The following KCTD14 variants were observed in gnomAD, a reference collection of about 807,000 sequenced individuals.
KCTD14 encodes the protein BTB/POZ domain-containing protein KCTD14.
A neutral mutation model predicts 5.9 loss-of-function variants in KCTD14; 7 were observed. That is an observed-to-expected ratio of 1.19 (90% confidence interval 0.68 to 2.23). The LOEUF is 2.23. KCTD14 is among the 30% of genes most tolerant of loss of function. KCTD14 has a pLI of 0.00. For synonymous variants in KCTD14, 140 were observed against 133.1 expected, an observed-to-expected ratio of 1.05 and a Z score of -0.36; for missense variants, 342 against 332.2, an observed-to-expected ratio of 1.03 and a Z score of -0.23.
At chr11:78,035,124 A>G (rs910705939) in intron 2 of KCTD14, among the ~76,000 whole-genome samples, 1 of 152,146 alleles carries the variant, frequency 6.6e-6, no homozygotes, top group African/African-American at 2.4e-5. Flanking sequence ...TACAATGGGT[A>G]TATCTGTCAC....
At chr11:78,031,878 G>C (rs1479893455) in intron 2 of KCTD14, among the ~76,000 whole-genome samples, 1 of 152,200 alleles carries the variant, frequency 6.6e-6, no homozygotes, top group Non-Finnish European at 1.5e-5. Flanking sequence ...TGAGAAGAAA[G>C]TGGAAGAAAC....
upstream of KCTD14, among the ~76,000 whole-genome samples, chr11:78,027,322 C>G (rs1319523524): frequency 6.6e-6 from 1 of 151,232 alleles, no homozygotes; most frequent in East Asian, 1.9e-4. Context: ...AGCTTGAGCC[C>G]AGGAGTTGGG....
chr11:78,017,808 G>A (rs1330377572), intron 1 of KCTD14, among the ~76,000 whole-genome samples: 5 of 152,094 alleles, frequency 3.3e-5, no homozygotes, highest in Non-Finnish European at 4.4e-5. Flanking sequence ...AGAATGTTAT[G>A]GGAGGAGGCC....
intron 1 of KCTD14, among the ~76,000 whole-genome samples, chr11:78,044,203 G>A (rs904455548): frequency 3.3e-5 from 5 of 152,176 alleles, no homozygotes; most frequent in East Asian, 1.9e-4. Flanking sequence ...CCAGGTGAGC[G>A]AGGCTTTAGG....
At chr11:78,041,967 G>A (rs573620151) in intron 1 of KCTD14, among the ~76,000 whole-genome samples, 2 of 152,274 alleles carry the variant, frequency 1.3e-5, no homozygotes, top group South Asian at 2.1e-4. Context: ...CTTGGAATCC[G>A]TGAGGCCAAG....
chr11:78,019,214 A>G (rs1432738878), intron 1 of KCTD14, among the ~76,000 whole-genome samples: 1 of 151,986 alleles, frequency 6.6e-6, no homozygotes, highest in Non-Finnish European at 1.5e-5. Flanking sequence ...GGGTTTCACC[A>G]TGTTGGCCAG....
rs531185817 is a variant in KCTD14, at chr11:78,021,297, CAAAAAAAAAAAAAA to C, written c.90+1849_90+1862del. Reference sequence around the variant, plus strand: ...TAGGTGACAGAGGGAGACCCTGTCTCAAAAAAAAAAAAAAAAAAAAAAAAAAAAAAAAGTTTCCT... The same window carrying C: ...TAGGTGACAGAGGGAGACCCTGTCTCAAAAAAAAAAAAAAAAAAGTTTCCT... On this transcript the variant is annotated intron_variant, in intron 1 of 1. Transcript: ENST00000353172. Among the ~76,000 whole-genome samples, 252 of 85,168 alleles carry C rather than the reference CAAAAAAAAAAAAAA, an allele frequency of 3.0e-3. 3 individuals are homozygous for C. The highest frequency in any genetic ancestry group is 8.7e-3 in the African/African-American group (199 of 22,974). The allele number at this position is 85,168 out of a possible 152,430, so 55.9% of individuals were successfully genotyped here. A position where few individuals can be genotyped will look rare whatever the true frequency, so the allele number is the denominator to read the frequency against.
upstream of KCTD14, chr11:78,023,343 G>A: frequency 6.4e-6 from 8 of 1,258,234 alleles, no homozygotes; most frequent in Non-Finnish European, 9.0e-6. Context: ...GCCAGGCGTG[G>A]CTTGCAGTGA....
At position 78,016,258 on chromosome 11, in the gene KCTD14, CA is replaced by C; in HGVS notation, c.*334del. The C allele has an allele frequency of 3.2e-6, 1 of 314,448 alleles. No individual in the cohort carries two copies. Among genetic ancestry groups the C allele is most frequent in the Non-Finnish European group, 5.9e-6 (1 of 168,892 alleles). 19.5% of individuals were successfully genotyped at this position (314,448 alleles called of 1,614,324 possible). Reference sequence around the variant, plus strand: ...CTTTAGGTCAGAACATCTAGATTCACAGTATCTTGTATGTTCCTGTTGTCAT... The same window carrying C: ...CTTTAGGTCAGAACATCTAGATTCACGTATCTTGTATGTTCCTGTTGTCAT... On this transcript the variant is annotated 3_prime_UTR_variant, in exon 2 of 2. Transcript: ENST00000353172.
In KCTD14 at chr11:78,036,190, C is replaced by G. The variant is rs1454462739; in HGVS notation, c.-1+2474G>C. Among the ~76,000 whole-genome samples, 3 of 152,156 alleles carry G rather than the reference C, an allele frequency of 2.0e-5. No homozygotes were observed. The East Asian group carries it at 5.8e-4, about 29-fold the overall frequency. ...AACAAAAGAGTCCCTTTATGAAAGT[C>G]TCCTGAAATACCCAGCTTGAGAGAG... On this transcript the variant is annotated intron_variant, in intron 2 of 2. Transcript: ENST00000533144.
intron 1 of KCTD14, among the ~76,000 whole-genome samples, chr11:78,040,481 C>G (rs964063306): frequency 4.0e-5 from 6 of 151,564 alleles, no homozygotes; most frequent in African/African-American, 1.5e-4. Context: ...TTTTCTTCCT[C>G]TTTTGCCTTC....
upstream of KCTD14, among the ~76,000 whole-genome samples, chr11:78,027,747 C>A (rs570401878): frequency 2.6e-5 from 4 of 152,206 alleles, no homozygotes; most frequent in East Asian, 7.7e-4. Context: ...GACCTGAGAT[C>A]AATAGAAAGG....
At chr11:78,032,544 C>T (rs756511505) in intron 2 of KCTD14, among the ~76,000 whole-genome samples, 2 of 152,146 alleles carry the variant, frequency 1.3e-5, no homozygotes, top group Non-Finnish European at 2.9e-5. Context: ...CTTAGAAAGC[C>T]TATTTTGCTA....
chr11:78,021,660 C>T (rs1414358105), intron 1 of KCTD14, among the ~76,000 whole-genome samples: 4 of 152,148 alleles, frequency 2.6e-5, no homozygotes, highest in Non-Finnish European at 4.4e-5. Flanking sequence ...GTAGGTGGTC[C>T]ACCCACCTCT....
At chr11:78,025,085 C>CGTGTGTGT (rs1163862866), upstream of KCTD14, among the ~76,000 whole-genome samples, 37 of 89,368 alleles carry the variant, frequency 4.1e-4, no homozygotes, top group East Asian at 2.6e-3. Flanking sequence ...TATATACACA[C>CGTGTGTGT]GTGTGTGTGT....
chr11:78,045,190 A>C (rs1858101111), intron 1 of KCTD14, among the ~76,000 whole-genome samples: 1 of 151,958 alleles, frequency 6.6e-6, no homozygotes, highest in Non-Finnish European at 1.5e-5. Flanking sequence ...TGCAGCCTTG[A>C]CCTCCCAGGC....
chr11:78,023,627 C>T (rs1054251645), upstream of KCTD14: 6 of 195,930 alleles, frequency 3.1e-5, no homozygotes, highest in Admixed American at 1.7e-4. Flanking sequence ...ATCCTCCCAC[C>T]TCAGCCTCCC....
upstream of KCTD14, among the ~76,000 whole-genome samples, chr11:78,025,118 G>GTGTGTGTA (rs1230114793): frequency 5.1e-3 from 228 of 44,456 alleles, 1 homozygote; most frequent in Non-Finnish European, 7.8e-3. Flanking sequence ...GTGTGTGTGT[G>GTGTGTGTA]TATATATATA....
upstream of KCTD14, among the ~76,000 whole-genome samples, chr11:78,027,387 A>ATTTTTT: frequency 6.9e-6 from 1 of 143,972 alleles, no homozygotes. Flanking sequence ...TTTTTGAGGC[A>ATTTTTT]GAGCCTCACT....
Sources: allele counts gnomAD v4.1 joint callset (sites outside exome capture counted in the v4.1 genomes callset), GRCh38; gene constraint gnomAD v4.1.1; transcripts MANE v1.5; gene names NCBI Gene and HGNC (gene_info 2026-07-23, HGNC 2026-07-21).